The following TMEM131L variants were observed in gnomAD, a reference collection of about 807,000 sequenced individuals.
TMEM131L encodes the protein transmembrane protein 131-like.
TMEM131L carries 54 observed loss-of-function variants against 192.2 expected under a neutral mutation model. The ratio of observed to expected loss-of-function variants is 0.28; its 90% CI spans 0.23 to 0.35. TMEM131L has a LOEUF of 0.35. TMEM131L is among the 10% of genes least tolerant of loss of function. The pLI, the probability that TMEM131L is intolerant of heterozygous loss-of-function variation, is 1.00. For synonymous variants in TMEM131L, 701 were observed against 704.9 expected (o/e 0.99, Z 0.09); for missense variants, 1,888 against 1,972.9 (o/e 0.96, Z 0.82).
intron 3 of TMEM131L, among the ~76,000 whole-genome samples, chr4:153,529,330 G>T (rs938137045): frequency 7.2e-5 from 11 of 152,140 alleles, no homozygotes; most frequent in Non-Finnish European, 1.2e-4. Context: ...TTTTACAAAA[G>T]AAATGAAAGT....
intron 4 of TMEM131L, among the ~76,000 whole-genome samples, chr4:153,551,797 A>G (rs1019852664): frequency 2.4e-4 from 36 of 152,350 alleles, no homozygotes; most frequent in African/African-American, 8.7e-4. Context: ...ACTCTTATGT[A>G]AAGAAAGTTT....
At chr4:153,575,501 T>C (rs909200173) in intron 7 of TMEM131L, among the ~76,000 whole-genome samples, 4 of 152,212 alleles carry the variant, frequency 2.6e-5, no homozygotes, top group South Asian at 4.1e-4. Context: ...AAGTACTGAC[T>C]GCAGTTGAAA....
At chr4:153,625,137 C>T (rs866557584) in intron 29 of TMEM131L, among the ~76,000 whole-genome samples, 11 of 152,134 alleles carry the variant, frequency 7.2e-5, no homozygotes, top group Non-Finnish European at 4.4e-5. Context: ...GGAGGCCGGG[C>T]GCAGTGGCTC....
intron 16 of TMEM131L, 34 bp downstream of exon 16, chr4:153,589,041 G>T (rs1468057942): frequency 8.8e-7 from 1 of 1,140,242 alleles, no homozygotes; most frequent in African/African-American, 1.5e-5. Context: ...TTGTTCGGTG[G>T]TGGGGAGACA....
At chr4:153,532,984 CTTTTT>C (rs70963190) in intron 3 of TMEM131L, among the ~76,000 whole-genome samples, 2 of 129,686 alleles carry the variant, frequency 1.5e-5, no homozygotes. Flanking sequence ...TTTCTCAATT[CTTTTT>C]TTTTTTTTTT....
intron 26 of TMEM131L, among the ~76,000 whole-genome samples, chr4:153,618,556 A>C (rs1733162343): frequency 6.6e-6 from 1 of 152,008 alleles, no homozygotes; most frequent in Non-Finnish European, 1.5e-5. Context: ...GTCTCATTTA[A>C]ATGGCTTATG....
intron 3 of TMEM131L, among the ~76,000 whole-genome samples, chr4:153,518,285 T>G (rs757416185): frequency 4.6e-5 from 7 of 152,232 alleles, no homozygotes; most frequent in Non-Finnish European, 1.0e-4. Flanking sequence ...TCCCGAGCAC[T>G]TCTTGTGGGA....
In TMEM131L at chr4:153,596,233, C is replaced by T. The variant is rs536526315; in HGVS notation, c.1996-25C>T. On this transcript the variant is annotated intron_variant, in intron 19 of 34. Coordinates refer to ENST00000409959, the MANE Select transcript of TMEM131L (RefSeq NM_001131007.2). ...GGAAGCTTGCTTTCTAGGAGTATGA[C>T]ATGGTTTAATTTGTTAATTTGCAGG... is the stretch of plus-strand genomic sequence containing the variant. 3.9e-5 allele frequency: 63 copies of T among 1,612,142 alleles called. 1 individual carries two copies. In the South Asian group the frequency reaches 6.9e-4, roughly 18 times the overall value.
At chr4:153,525,606 C>T (rs2150181534) in intron 3 of TMEM131L, among the ~76,000 whole-genome samples, 1 of 152,330 alleles carries the variant, frequency 6.6e-6, no homozygotes, top group South Asian at 2.1e-4. Context: ...TCCCAAAGTG[C>T]TGGGATTACA....
chr4:153,466,876 G>C (rs911122269), intron 1 of TMEM131L, among the ~76,000 whole-genome samples: 1 of 152,100 alleles, frequency 6.6e-6, no homozygotes, highest in Non-Finnish European at 1.5e-5. Context: ...TTGTTCCCCC[G>C]AGCCTGGCCG....
intron 3 of TMEM131L, among the ~76,000 whole-genome samples, chr4:153,494,259 A>G (rs2149917918): frequency 6.6e-6 from 1 of 152,304 alleles, no homozygotes; most frequent in South Asian, 2.1e-4. Context: ...ATTCTTAAGA[A>G]TTTCTTAAGG....
intron 3 of TMEM131L, among the ~76,000 whole-genome samples, chr4:153,540,126 A>G (rs1300562935): frequency 7.8e-6 from 1 of 128,710 alleles, no homozygotes; most frequent in East Asian, 2.0e-4. Flanking sequence ...ATAAAAACAA[A>G]AAAACAAAAA....
intron 3 of TMEM131L, among the ~76,000 whole-genome samples, chr4:153,502,101 G>T (rs931965657): frequency 6.6e-6 from 1 of 151,852 alleles, no homozygotes; most frequent in East Asian, 1.9e-4. Context: ...ACAGGTGCCC[G>T]CCACCATGCC....
At chr4:153,576,984 G>A (rs1043659608) in intron 7 of TMEM131L, among the ~76,000 whole-genome samples, 5 of 152,146 alleles carry the variant, frequency 3.3e-5, no homozygotes, top group South Asian at 4.1e-4. Context: ...ATCTCCTGGC[G>A]TAGGTAGACC....
intron 9 of TMEM131L, among the ~76,000 whole-genome samples, chr4:153,582,645 G>T (rs1730440806): frequency 6.6e-6 from 1 of 151,902 alleles, no homozygotes; most frequent in Admixed American, 6.6e-5. Context: ...GGTAGTGCTG[G>T]ATCAGCAGGA....
intron 7 of TMEM131L, among the ~76,000 whole-genome samples, chr4:153,572,155 T>G (rs1169170971): frequency 1.3e-5 from 2 of 152,166 alleles, no homozygotes; most frequent in African/African-American, 2.4e-5. Flanking sequence ...ATTAGCGTAT[T>G]ATCACCTCAG....
At chr4:153,582,736 A>C (rs544384346) in intron 9 of TMEM131L, among the ~76,000 whole-genome samples, 19 of 151,978 alleles carry the variant, frequency 1.3e-4, no homozygotes, top group Non-Finnish European at 2.2e-4. Context: ...ACCCATGGGG[A>C]CCACTTCTGT....
At chr4:153,499,952 ATTTT>A (rs57387097) in intron 3 of TMEM131L, among the ~76,000 whole-genome samples, 1 of 149,198 alleles carries the variant, frequency 6.7e-6, no homozygotes. Flanking sequence ...TTTTACCTAA[ATTTT>A]TTTTTTTAAC....
intron 7 of TMEM131L, among the ~76,000 whole-genome samples, chr4:153,565,657 G>A (rs1409573834): frequency 6.6e-6 from 1 of 152,160 alleles, no homozygotes; most frequent in Non-Finnish European, 1.5e-5. Context: ...CAAATACAGT[G>A]TTCTCTGAAG....
Sources: allele counts gnomAD v4.1 joint callset (sites outside exome capture counted in the v4.1 genomes callset), GRCh38; gene constraint gnomAD v4.1.1; transcripts MANE v1.5; gene names NCBI Gene and HGNC (gene_info 2026-07-23, HGNC 2026-07-21).